Variants in PRELID2 observed in about 807,000 individuals in gnomAD.
PRELID2 encodes the protein PRELI domain containing 2, also known as PRELI domain-containing protein 2.
In PRELID2, 25 loss-of-function variants were observed where a neutral mutation model predicts 28.4. That is an observed-to-expected ratio of 0.88 (90% CI 0.64 to 1.23). The LOEUF is 1.23. Among genes scored for constraint, PRELID2 ranks in the 50% most tolerant of loss-of-function variants. The probability of loss-of-function intolerance (pLI) is 0.00; values close to 1 mark genes in which losing one functional copy is unlikely to be tolerated. For missense variants in PRELID2, 201 were observed against 214.4 expected (o/e 0.94, Z 0.39); for synonymous variants, 76 against 71.6 (o/e 1.06, Z -0.31).
chr5:145,665,618 T>C (rs148088561), intron 1 of PRELID2, among the ~76,000 whole-genome samples: 6 of 152,274 alleles, frequency 3.9e-5, no homozygotes, highest in African/African-American at 1.4e-4. Flanking sequence ...CCTAGCATGA[T>C]GTACAATGTA....
chr5:145,259,409 G>A, the PRELID2 span, among the ~76,000 whole-genome samples: 1 of 152,100 alleles, frequency 6.6e-6, no homozygotes, highest in African/African-American at 2.4e-5. Context: ...TAGCACCAGG[G>A]GCTGAACCCT....
At chr5:145,283,924 T>C in the PRELID2 span, among the ~76,000 whole-genome samples, 2 of 152,070 alleles carry the variant, frequency 1.3e-5, no homozygotes, top group Admixed American at 1.3e-4. Context: ...TTTTGTTTGG[T>C]GGGGGGAAGG....
chr5:145,590,244 T>A (rs886370161), intron 1 of PRELID2, among the ~76,000 whole-genome samples: 5 of 152,192 alleles, frequency 3.3e-5, no homozygotes, highest in African/African-American at 1.2e-4. Context: ...TTCCTTTGTC[T>A]CATTCTGGTG....
intron 5 of PRELID2, among the ~76,000 whole-genome samples, chr5:145,778,638 C>T (rs1758570493): frequency 6.6e-6 from 1 of 152,198 alleles, no homozygotes; most frequent in South Asian, 2.1e-4. Flanking sequence ...CATGCCAGCA[C>T]CTAGAGCTGC....
At chr5:145,500,892 G>A (rs2126633813) in intron 1 of PRELID2, among the ~76,000 whole-genome samples, 1 of 152,222 alleles carries the variant, frequency 6.6e-6, no homozygotes, top group South Asian at 2.1e-4. Flanking sequence ...TTGTCCTTGG[G>A]TCATTCGCTC....
At chr5:145,642,466 G>T (rs377304023) in intron 1 of PRELID2, among the ~76,000 whole-genome samples, 6 of 152,152 alleles carry the variant, frequency 3.9e-5, no homozygotes, top group African/African-American at 1.4e-4. Flanking sequence ...TCTGTAGGTT[G>T]CCTGTTCACT....
At chr5:145,402,900 C>G in the PRELID2 span, among the ~76,000 whole-genome samples, 1 of 152,088 alleles carries the variant, frequency 6.6e-6, no homozygotes, top group Non-Finnish European at 1.5e-5. Context: ...TTCAAAATGA[C>G]CTTGCTGAGC....
In PRELID2 at chr5:145,477,573, G is replaced by A. The variant is rs1359846850; in HGVS notation, n.71-4258C>T. Among the ~76,000 whole-genome samples, 3 of 152,226 alleles carry A rather than the reference G, an allele frequency of 2.0e-5. No homozygotes were observed. In the East Asian group the frequency reaches 5.8e-4, roughly 29 times the overall value. The stretch of plus-strand genomic sequence containing the variant: ...ACACCTCTCCCTGGACTTGGAGCAT[G>A]GCTAGCCACACCTGGACAACATTGA... On this transcript the variant is annotated intron_variant and non_coding_transcript_variant, in intron 1 of 2. Transcript: ENST00000510259.
intron 1 of PRELID2, among the ~76,000 whole-genome samples, chr5:145,560,161 C>A (rs1230190562): frequency 6.6e-6 from 1 of 152,130 alleles, no homozygotes; most frequent in East Asian, 1.9e-4. Context: ...TATATGGGTA[C>A]TCGAAGTACA....
intron 1 of PRELID2, among the ~76,000 whole-genome samples, chr5:145,600,451 A>ATATATATATATATATGTATG (rs1328695707): frequency 7.2e-6 from 1 of 138,332 alleles, no homozygotes; most frequent in African/African-American, 3.1e-5. Context: ...ATATATATAT[A>ATATATATATATATATGTATG]TATGTATCTC....
the PRELID2 span, among the ~76,000 whole-genome samples, chr5:145,263,188 C>T: frequency 6.6e-6 from 1 of 152,016 alleles, no homozygotes; most frequent in South Asian, 2.1e-4. Flanking sequence ...ATTTATAAAA[C>T]AATTACTTCC....
At chr5:145,482,716 C>T (rs1331942461) in intron 1 of PRELID2, among the ~76,000 whole-genome samples, 7 of 151,824 alleles carry the variant, frequency 4.6e-5, no homozygotes, top group Admixed American at 2.0e-4. Flanking sequence ...AATTATACAA[C>T]TCACCATAAT....
rs1188735131 is a variant in PRELID2, at chr5:145,817,220, A to AAT, written c.368+672_368+673dup. ...AAAAATAAATAAATAAATAAAAAAA[A>AAT]ATATATATATATATATACTTTAGAT... On this transcript the variant is annotated intron_variant, in intron 4 of 6. Transcript: ENST00000683046. Among the ~76,000 whole-genome samples the AAT allele has an allele frequency of 2.0e-3, 132 of 66,462 alleles. 5 individuals are homozygous for AAT. The highest frequency in any genetic ancestry group is 3.4e-3 in the South Asian group (6 of 1,764). 43.6% of individuals were successfully genotyped at this position (66,462 alleles called of 152,430 possible).
At chr5:145,241,269 C>A in the PRELID2 span, among the ~76,000 whole-genome samples, 1 of 151,778 alleles carries the variant, frequency 6.6e-6, no homozygotes, top group African/African-American at 2.4e-5. Context: ...TCATAAATAC[C>A]TTGAAGACAC....
chr5:145,553,096 T>C (rs1308426032), intron 1 of PRELID2, among the ~76,000 whole-genome samples: 1 of 152,094 alleles, frequency 6.6e-6, no homozygotes, highest in Non-Finnish European at 1.5e-5. Context: ...GAGAGTTCAC[T>C]TGAATTAAGC....
At chr5:145,233,499 A>G in the PRELID2 span, among the ~76,000 whole-genome samples, 59 of 152,170 alleles carry the variant, frequency 3.9e-4, no homozygotes, top group Non-Finnish European at 7.9e-4. Context: ...GGCAGTCACC[A>G]CAACCCTGTT....
the PRELID2 span, among the ~76,000 whole-genome samples, chr5:145,438,757 C>A: frequency 6.6e-6 from 1 of 152,152 alleles, no homozygotes; most frequent in Non-Finnish European, 1.5e-5. Context: ...GCAGAAATCA[C>A]AAAACCTGTT....
the PRELID2 span, among the ~76,000 whole-genome samples, chr5:145,414,389 G>A: frequency 6.6e-6 from 1 of 152,082 alleles, no homozygotes; most frequent in African/African-American, 2.4e-5. Flanking sequence ...AACCCCCCAG[G>A]CCTGCTGAAA....
intron 1 of PRELID2, among the ~76,000 whole-genome samples, chr5:145,686,185 C>G (rs2149692346): frequency 6.6e-6 from 1 of 152,276 alleles, no homozygotes; most frequent in East Asian, 1.9e-4. Context: ...GCATCCTGTG[C>G]TCAGCCAATA....
Sources: allele counts gnomAD v4.1 joint callset (sites outside exome capture counted in the v4.1 genomes callset), GRCh38; gene constraint gnomAD v4.1.1; transcripts MANE v1.5; gene names NCBI Gene and HGNC (gene_info 2026-07-23, HGNC 2026-07-21).